LRRC4C: variants seen among roughly 807,000 people sequenced by gnomAD.
LRRC4C encodes leucine rich repeat containing 4C, also known as leucine-rich repeat-containing protein 4C.
LRRC4C carries 5 observed loss-of-function variants against 33.6 expected under a neutral mutation model. That is an observed-to-expected ratio of 0.15 (90% CI 0.08 to 0.31). The LOEUF (loss-of-function observed/expected upper bound fraction) is 0.31, where lower values mean the gene tolerates loss of function less well. LRRC4C is among the 10% of genes least tolerant of loss of function. The probability of loss-of-function intolerance (pLI) is 1.00; values close to 1 mark genes in which losing one functional copy is unlikely to be tolerated. For synonymous variants in LRRC4C, 329 were observed against 302.0 expected, an observed-to-expected ratio of 1.09 and a Z score of -0.93; for missense variants, 560 against 796.7, an observed-to-expected ratio of 0.70 and a Z score of 3.58.
At chr11:40,279,579 C>A (rs1023508016) in intron 4 of LRRC4C, among the ~76,000 whole-genome samples, 15 of 152,158 alleles carry the variant, frequency 9.9e-5, no homozygotes, top group African/African-American at 3.6e-4. Flanking sequence ...GTGCCAAGCA[C>A]TTTGCTAAAA....
At chr11:40,154,465 A>G (rs1858510816) in intron 5 of LRRC4C, among the ~76,000 whole-genome samples, 1 of 152,122 alleles carries the variant, frequency 6.6e-6, no homozygotes, top group Admixed American at 6.6e-5. Context: ...TACCTTCAGG[A>G]GACTCACCTA....
chr11:40,327,864 T>C (rs1946173746), intron 3 of LRRC4C, among the ~76,000 whole-genome samples: 1 of 152,096 alleles, frequency 6.6e-6, no homozygotes, highest in African/African-American at 2.4e-5. Context: ...ACTTTTATGT[T>C]GACCTATAAA....
At chr11:40,981,259 C>G (rs1378504730) in intron 1 of LRRC4C, among the ~76,000 whole-genome samples, 4 of 152,068 alleles carry the variant, frequency 2.6e-5, no homozygotes, top group South Asian at 4.2e-4. Flanking sequence ...ACTAAAAATA[C>G]AAAACTTAGC....
chr11:40,957,237 G>A (rs1258598391), intron 1 of LRRC4C, among the ~76,000 whole-genome samples: 2 of 151,762 alleles, frequency 1.3e-5, no homozygotes, highest in South Asian at 2.1e-4. Flanking sequence ...AGATGTAGGA[G>A]CTAGAAAAGG....
At chr11:40,762,777 C>A (rs1949282415) in intron 2 of LRRC4C, among the ~76,000 whole-genome samples, 1 of 151,882 alleles carries the variant, frequency 6.6e-6, no homozygotes, top group African/African-American at 2.4e-5. Context: ...CTAGTCCAGT[C>A]TCTGTTTTAT....
rs544115547 is a variant in LRRC4C, at chr11:40,964,544, C to T, written c.-495-30821G>A. ...CCTCCCCCCACCCCACAATAGTCCT[C>T]AGTGTGTGATGTTCCCTTTCCTGGG... On this transcript the variant is annotated intron_variant, in intron 1 of 6. Coordinates refer to ENST00000528697, the MANE Select transcript of LRRC4C (RefSeq NM_001258419.2). Among the ~76,000 whole-genome samples the T allele has an allele frequency of 9.0e-5, 12 of 133,212 alleles. 1 individual carries two copies. In the Admixed American group the frequency reaches 9.2e-4, roughly 10 times the overall value. The allele number at this position is 133,212 out of a possible 152,430, so 87.4% of individuals were successfully genotyped here. A position where few individuals can be genotyped will look rare whatever the true frequency, so the allele number is the denominator to read the frequency against.
chr11:40,305,090 G>C (rs934071558), intron 4 of LRRC4C, among the ~76,000 whole-genome samples: 1 of 152,114 alleles, frequency 6.6e-6, no homozygotes, highest in East Asian at 1.9e-4. Flanking sequence ...GCCTCTCCAG[G>C]CATATGGGCA....
chr11:40,620,701 G>A (rs1030299545), intron 3 of LRRC4C, among the ~76,000 whole-genome samples: 6 of 151,756 alleles, frequency 4.0e-5, no homozygotes, highest in Non-Finnish European at 8.8e-5. Flanking sequence ...TTGTGTGTGC[G>A]GTTAAAAGTG....
At chr11:40,346,561 TAGG>T (rs1038732872) in intron 3 of LRRC4C, among the ~76,000 whole-genome samples, 1 of 151,752 alleles carries the variant, frequency 6.6e-6, no homozygotes, top group Non-Finnish European at 1.5e-5. Context: ...GGCTGGAAGG[TAGG>T]AGGAGGGAGA....
intron 3 of LRRC4C, among the ~76,000 whole-genome samples, chr11:40,482,081 C>T (rs1953599306): frequency 1.3e-5 from 2 of 152,118 alleles, no homozygotes; most frequent in Admixed American, 6.6e-5. Context: ...CCACTTGGTT[C>T]ATTAGAGACA....
intron 3 of LRRC4C, among the ~76,000 whole-genome samples, chr11:40,547,580 T>G (rs75716841): frequency 0.024 from 3,692 of 152,154 alleles, 62 homozygotes; most frequent in Non-Finnish European, 0.036. Flanking sequence ...ATTATAAACC[T>G]CAGGATACCT....
At chr11:40,784,225 A>C (rs1950323950) in intron 2 of LRRC4C, among the ~76,000 whole-genome samples, 1 of 152,150 alleles carries the variant, frequency 6.6e-6, no homozygotes, top group Admixed American at 6.5e-5. Context: ...TCACCTTCAA[A>C]TTTCATCTAA....
intron 1 of LRRC4C, among the ~76,000 whole-genome samples, chr11:41,283,843 A>C (rs903521855): frequency 1.3e-5 from 2 of 152,242 alleles, no homozygotes; most frequent in Non-Finnish European, 2.9e-5. Flanking sequence ...TACATGTGAC[A>C]CTAGAAAATA....
At chr11:40,886,444 C>A (rs1325522834) in intron 2 of LRRC4C, among the ~76,000 whole-genome samples, 1 of 151,494 alleles carries the variant, frequency 6.6e-6, no homozygotes. Context: ...CACGCACACA[C>A]TCTCACAAAC....
chr11:40,268,912 G>C (rs1350407795), intron 4 of LRRC4C, among the ~76,000 whole-genome samples: 1 of 152,126 alleles, frequency 6.6e-6, no homozygotes, highest in Non-Finnish European at 1.5e-5. Context: ...ACTCTAGGTA[G>C]AATCACTTAA....
chr11:40,588,455 G>C (rs1958869423), intron 3 of LRRC4C, among the ~76,000 whole-genome samples: 1 of 151,466 alleles, frequency 6.6e-6, no homozygotes, highest in Admixed American at 6.6e-5. Context: ...TTTTTGAAGG[G>C]TTTTTTGTGT....
intron 1 of LRRC4C, among the ~76,000 whole-genome samples, chr11:41,436,874 T>G (rs1955446633): frequency 6.6e-6 from 1 of 152,186 alleles, no homozygotes; most frequent in African/African-American, 2.4e-5. Context: ...ATGCCCTACA[T>G]TTAAGAAGGG....
In LRRC4C at chr11:41,377,774, C is replaced by T. The variant is rs1591383969; in HGVS notation, c.-496+81657G>A. On this transcript the variant is annotated intron_variant, in intron 1 of 6. Coordinates refer to ENST00000528697, the MANE Select transcript of LRRC4C (RefSeq NM_001258419.2). ...TTGCCTTGGTGTGGCCTACTGGGGACCAAACAACTATTACAGTCAAGGACA... is the reference window on the plus strand; with the variant it reads ...TTGCCTTGGTGTGGCCTACTGGGGATCAAACAACTATTACAGTCAAGGACA... 3.3e-5 allele frequency among the ~76,000 whole-genome samples: 5 copies of T among 152,190 alleles called. No homozygotes were observed. In the South Asian group the frequency reaches 1.0e-3, roughly 32 times the overall value.
In LRRC4C at chr11:40,790,296, A is replaced by G. The variant is rs544717600; in HGVS notation, c.-406-142018T>C. Among the ~76,000 whole-genome samples the G allele has an allele frequency of 3.3e-5, 5 of 152,306 alleles. No homozygotes were observed. The South Asian group carries it at 1.0e-3, about 32-fold the overall frequency. ...AGATGATTTTATTTTTTCTAGTTCT[A>G]CACAGACATTGGCATCATATTACTT... is the stretch of plus-strand genomic sequence containing the variant. On this transcript the variant is annotated intron_variant, in intron 2 of 6. Coordinates refer to ENST00000528697, the MANE Select transcript of LRRC4C (RefSeq NM_001258419.2).
Sources: allele counts gnomAD v4.1 joint callset (sites outside exome capture counted in the v4.1 genomes callset), GRCh38; gene constraint gnomAD v4.1.1; transcripts MANE v1.5; gene names NCBI Gene and HGNC (gene_info 2026-07-23, HGNC 2026-07-21).